TMEM132B: variants seen among roughly 807,000 people sequenced by gnomAD.
TMEM132B encodes transmembrane protein 132B.
In TMEM132B, 18 loss-of-function variants were observed where a neutral mutation model predicts 90.8. The observed-to-expected ratio is 0.20, with a 90% confidence interval of 0.14 to 0.29. The LOEUF is 0.29. Ranked by LOEUF, TMEM132B falls within the 10% of genes least tolerant of loss-of-function variation. The pLI is 1.00. For synonymous variants in TMEM132B, 504 were observed against 523.3 expected (o/e 0.96, Z 0.50); for missense variants, 1,096 against 1,326.8 (o/e 0.83, Z 2.70).
intron 3 of TMEM132B, among the ~76,000 whole-genome samples, chr12:125,513,383 T>C (rs1370808824): frequency 6.6e-6 from 1 of 152,122 alleles, no homozygotes; most frequent in African/African-American, 2.4e-5. Context: ...AGCGTGCGTG[T>C]GCGAGAGAGT....
At position 125,610,869 on chromosome 12, in the gene TMEM132B, T is replaced by A. The variant is rs1885809134; in HGVS notation, c.1437+26875T>A. The stretch of plus-strand genomic sequence containing the variant: ...TTTTCCTTTTATATGACTTCTTTGG[T>A]TTTGATACCAGGATAAAATTGGCCT... On this transcript the variant is annotated intron_variant, in intron 5 of 8. Coordinates refer to ENST00000682704, the MANE Select transcript of TMEM132B (RefSeq NM_001366854.1). Among the ~76,000 whole-genome samples the A allele has an allele frequency of 2.0e-5, 3 of 152,266 alleles. No homozygotes were observed. The South Asian group carries it at 6.2e-4, about 32-fold the overall frequency.
chr12:125,618,266 T>C (rs1886037385), intron 5 of TMEM132B, among the ~76,000 whole-genome samples: 1 of 152,122 alleles, frequency 6.6e-6, no homozygotes. Context: ...GCCATAGTAG[T>C]CTCAACTTGC....
intron 3 of TMEM132B, among the ~76,000 whole-genome samples, chr12:125,505,877 T>A (rs1882834876): frequency 6.6e-6 from 1 of 152,160 alleles, no homozygotes; most frequent in African/African-American, 2.4e-5. Context: ...TAGGAAGTTG[T>A]CTATGTGGAA....
At chr12:125,431,755 G>A (rs1333425335) in intron 3 of TMEM132B, among the ~76,000 whole-genome samples, 8 of 152,202 alleles carry the variant, frequency 5.3e-5, no homozygotes, top group Admixed American at 1.3e-4. Context: ...ACAGTGAACA[G>A]ACAGGGAGTC....
intron 1 of TMEM132B, among the ~76,000 whole-genome samples, chr12:125,260,881 A>C (rs1455508935): frequency 6.6e-6 from 1 of 151,806 alleles, no homozygotes; most frequent in Non-Finnish European, 1.5e-5. Flanking sequence ...TCACCACTGC[A>C]CTGCAGCCTG....
At position 125,644,135 on chromosome 12, in the gene TMEM132B, C is replaced by T. The variant is rs752498535; in HGVS notation, c.1497C>T (p.Asp499=). The change falls in exon 6 of 9, where the codon GAC becomes GAT. Residue 499 remains aspartate (D), a synonymous_variant. Transcript: ENST00000682704. ...GGAAGGAAATGAAGAGCAAAGTGGACACGATTGTGAACTTCACCCACCAGC... is the reference window on the plus strand; with the variant it reads ...GGAAGGAAATGAAGAGCAAAGTGGATACGATTGTGAACTTCACCCACCAGC... ...VNGKEMKSKV[D]TIVNFTHQHF... The T allele has an allele frequency of 1.9e-6, 3 of 1,614,070 alleles. No homozygotes were observed. The highest frequency in any genetic ancestry group is 3.3e-5 in the Admixed American group (2 of 60,012).
At chr12:125,587,723 AG>A (rs2136882052) in intron 5 of TMEM132B, 1 of 152,318 alleles carries the variant, frequency 6.6e-6, no homozygotes, top group Non-Finnish European at 1.5e-5. Context: ...TTTCAGAGGA[AG>A]GTGAGATATT....
At chr12:125,203,050 T>A (rs1873101831) in intron 1 of TMEM132B, among the ~76,000 whole-genome samples, 1 of 152,216 alleles carries the variant, frequency 6.6e-6, no homozygotes, top group African/African-American at 2.4e-5. Flanking sequence ...TTGGCTTGAC[T>A]GAAATCTAGG....
intron 3 of TMEM132B, among the ~76,000 whole-genome samples, chr12:125,501,038 G>A (rs561401510): frequency 1.3e-5 from 2 of 152,260 alleles, no homozygotes; most frequent in East Asian, 3.9e-4. Context: ...TTGTCAGATC[G>A]AATAAAGGGA....
At chr12:125,463,411 G>A (rs925214369) in intron 3 of TMEM132B, among the ~76,000 whole-genome samples, 1 of 152,210 alleles carries the variant, frequency 6.6e-6, no homozygotes, top group Non-Finnish European at 1.5e-5. Context: ...TAAGCTCTCT[G>A]TTAGTTGCTT....
At chr12:125,225,775 T>C (rs1173824182) in intron 1 of TMEM132B, among the ~76,000 whole-genome samples, 5 of 152,140 alleles carry the variant, frequency 3.3e-5, no homozygotes. Context: ...CACATTCCCA[T>C]ATATGCGCCA....
chr12:125,249,791 A>C (rs1874277796), intron 1 of TMEM132B, among the ~76,000 whole-genome samples: 1 of 152,236 alleles, frequency 6.6e-6, no homozygotes, highest in South Asian at 2.1e-4. Context: ...GTGGTCTGAC[A>C]ATGGGAAGGG....
intron 3 of TMEM132B, among the ~76,000 whole-genome samples, chr12:125,479,392 G>C (rs900569121): frequency 4.6e-5 from 7 of 152,264 alleles, no homozygotes; most frequent in African/African-American, 1.7e-4. Flanking sequence ...ACACACATAG[G>C]CTCAAAATAA....
chr12:125,249,049 G>T (rs898081435), intron 1 of TMEM132B, among the ~76,000 whole-genome samples: 2 of 152,170 alleles, frequency 1.3e-5, no homozygotes, highest in African/African-American at 4.8e-5. Context: ...GTGGGGGAGG[G>T]CTTCACATAC....
At chr12:125,489,111 T>C (rs1882284948) in intron 3 of TMEM132B, among the ~76,000 whole-genome samples, 1 of 152,254 alleles carries the variant, frequency 6.6e-6, no homozygotes, top group African/African-American at 2.4e-5. Flanking sequence ...TACATTTGCA[T>C]ATGCAATGAT....
intron 5 of TMEM132B, among the ~76,000 whole-genome samples, chr12:125,607,341 G>A (rs1240590319): frequency 6.6e-6 from 1 of 152,206 alleles, no homozygotes; most frequent in Non-Finnish European, 1.5e-5. Flanking sequence ...GCTCCGAAAT[G>A]TGGGCAGATA....
At chr12:125,295,022 G>A (rs1875632425) in intron 1 of TMEM132B, among the ~76,000 whole-genome samples, 1 of 152,124 alleles carries the variant, frequency 6.6e-6, no homozygotes, top group Non-Finnish European at 1.5e-5. Context: ...GCCACTCTAA[G>A]CTTTTCTGTA....
intron 1 of TMEM132B, among the ~76,000 whole-genome samples, chr12:125,268,688 T>C (rs1874751999): frequency 6.6e-6 from 1 of 152,254 alleles, no homozygotes; most frequent in Admixed American, 6.5e-5. Context: ...CGTTGCTTGC[T>C]TCTGGGGAGT....
chr12:125,244,208 C>T (rs1874155118), intron 1 of TMEM132B, among the ~76,000 whole-genome samples: 1 of 152,148 alleles, frequency 6.6e-6, no homozygotes, highest in Non-Finnish European at 1.5e-5. Flanking sequence ...AATAATGTTG[C>T]CACGAACATG....
Sources: gnomAD v4.1 joint callset for allele counts (sites outside exome capture counted in the v4.1 genomes callset) on GRCh38, gnomAD v4.1.1 for gene constraint, MANE v1.5 for transcripts, NCBI Gene and HGNC (gene_info 2026-07-23, HGNC 2026-07-21) for gene names.